The following MTCL2 variants were observed in gnomAD, a reference collection of about 807,000 sequenced individuals.
MTCL2 encodes microtubule crosslinking factor 2.
chr20:36,801,023 C>T, the MTCL2 span, among the ~76,000 whole-genome samples: 3 of 152,190 alleles, frequency 2.0e-5, no homozygotes, highest in African/African-American at 7.2e-5. Flanking sequence ...GAGATGTTCA[C>T]TGAGGCACAA....
chr20:36,802,840 C>A, the MTCL2 span: 1 of 1,566,594 alleles, frequency 6.4e-7, no homozygotes, highest in Non-Finnish European at 8.7e-7. Context: ...AGCGGCTTGG[C>A]AGGGGTGGGC....
the MTCL2 span, among the ~76,000 whole-genome samples, chr20:36,853,888 C>T: frequency 3.3e-5 from 5 of 152,284 alleles, no homozygotes; most frequent in South Asian, 1.0e-3. Flanking sequence ...TGTCAGGAAG[C>T]GCCTGACAGT....
the MTCL2 span, chr20:36,863,196 C>T: frequency 8.1e-7 from 1 of 1,229,510 alleles, no homozygotes; most frequent in South Asian, 3.2e-5. The surrounding 1 kb of genome is among the most constrained non-coding windows in gnomAD (Gnocchi z 6.2). Context: ...GCCGCGGCGG[C>T]CCTTAGCCAG....
At chr20:36,790,428 C>CT in the MTCL2 span, among the ~76,000 whole-genome samples, 3,830 of 101,110 alleles carry the variant, frequency 0.038, 412 homozygotes, top group African/African-American at 0.15. Flanking sequence ...ACGCCTGGCC[C>CT]TTTTTTTTTT....
the MTCL2 span, among the ~76,000 whole-genome samples, chr20:36,854,551 T>G: frequency 2.6e-5 from 4 of 152,062 alleles, no homozygotes; most frequent in Admixed American, 2.0e-4. Flanking sequence ...CCCGCAGAGC[T>G]TGGGCGGGGC....
chr20:36,824,133 G>T, the MTCL2 span, among the ~76,000 whole-genome samples: 1 of 152,076 alleles, frequency 6.6e-6, no homozygotes, highest in Non-Finnish European at 1.5e-5. Context: ...TCCTGGGTTT[G>T]AATCCCATCT....
the MTCL2 span, among the ~76,000 whole-genome samples, chr20:36,819,589 C>A: frequency 6.8e-6 from 1 of 146,636 alleles, no homozygotes; most frequent in Non-Finnish European, 1.5e-5. Context: ...GGTTCTCAAC[C>A]TGGTACACAT....
At chr20:36,789,242 G>C in the MTCL2 span, among the ~76,000 whole-genome samples, 2 of 152,194 alleles carry the variant, frequency 1.3e-5, no homozygotes, top group African/African-American at 4.8e-5. Context: ...GTTTCTTGAT[G>C]TGGTGCTGGT....
the MTCL2 span, chr20:36,797,042 G>A: frequency 8.9e-7 from 1 of 1,119,760 alleles, no homozygotes; most frequent in East Asian, 2.4e-5. Flanking sequence ...CTCAGTGCTT[G>A]AATCTCCTCA....
At chr20:36,849,911 G>A in the MTCL2 span, among the ~76,000 whole-genome samples, 3 of 152,068 alleles carry the variant, frequency 2.0e-5, no homozygotes, top group Non-Finnish European at 4.4e-5. Context: ...GGCAGCATGT[G>A]GTCTGAACCC....
the MTCL2 span, among the ~76,000 whole-genome samples, chr20:36,806,846 T>C: frequency 1.3e-5 from 2 of 152,166 alleles, no homozygotes; most frequent in African/African-American, 2.4e-5. Context: ...GCCCTAATTT[T>C]TTTTCCCTAA....
chr20:36,786,092 C>A, the MTCL2 span: 1 of 988,290 alleles, frequency 1.0e-6, no homozygotes, highest in Non-Finnish European at 1.2e-6. Context: ...AACATCTCTC[C>A]GACTCCTTTT....
chr20:36,798,522 T>G, the MTCL2 span, among the ~76,000 whole-genome samples: 1 of 152,202 alleles, frequency 6.6e-6, no homozygotes, highest in East Asian at 1.9e-4. Flanking sequence ...GGTGGCTCCA[T>G]CTGTACCATC....
chr20:36,847,789 G>A, the MTCL2 span, among the ~76,000 whole-genome samples: 1 of 150,688 alleles, frequency 6.6e-6, no homozygotes, highest in African/African-American at 2.4e-5. Flanking sequence ...GGGAGGTTGA[G>A]GCTGCAATAA....
the MTCL2 span, among the ~76,000 whole-genome samples, chr20:36,818,792 A>C: frequency 6.6e-6 from 1 of 152,256 alleles, no homozygotes; most frequent in African/African-American, 2.4e-5. Flanking sequence ...ACACCAACAA[A>C]GGGTTGATAT....
At chr20:36,809,578 CTTTT>C in the MTCL2 span, among the ~76,000 whole-genome samples, 2 of 124,178 alleles carry the variant, frequency 1.6e-5, no homozygotes, top group East Asian at 2.4e-4. Context: ...TTCTTTCATT[CTTTT>C]TTTTTTTTTT....
At chr20:36,812,380 G>T in the MTCL2 span, among the ~76,000 whole-genome samples, 2 of 152,272 alleles carry the variant, frequency 1.3e-5, no homozygotes, top group Non-Finnish European at 2.9e-5. Flanking sequence ...CAAACTGCCT[G>T]GCTATAGAGA....
At chr20:36,778,769 A>C in the MTCL2 span, 3 of 152,294 alleles carry the variant, frequency 2.0e-5, no homozygotes, top group Admixed American at 6.5e-5. Flanking sequence ...TAGGGACCAC[A>C]GGGCCATCCT....
chr20:36,862,966 C>T, the MTCL2 span: 1 of 1,407,414 alleles, frequency 7.1e-7, no homozygotes, highest in Non-Finnish European at 9.3e-7. Context: ...TCCTCCGACG[C>T]GCAGTCCGAC....
Sources: gnomAD v4.1 joint callset for allele counts (sites outside exome capture counted in the v4.1 genomes callset) on GRCh38, gnomAD v4.1.1 for gene constraint, Gnocchi (gnomAD v3.1) non-coding constraint, MANE v1.5 for transcripts, NCBI Gene and HGNC (gene_info 2026-07-23, HGNC 2026-07-21) for gene names.